The following MCTP2 variants were observed in gnomAD, a reference collection of about 807,000 sequenced individuals.
MCTP2 encodes the protein multiple C2 and transmembrane domain containing 2, also known as multiple C2 and transmembrane domain-containing protein 2.
In MCTP2, 132 loss-of-function variants were observed where a neutral mutation model predicts 111.6. The ratio of observed to expected loss-of-function variants is 1.18; its 90% CI spans 1.03 to 1.37. The LOEUF (loss-of-function observed/expected upper bound fraction) is 1.37, where lower values mean the gene tolerates loss of function less well. Ranked by LOEUF, MCTP2 falls within the 40% of genes most tolerant of loss-of-function variation. MCTP2 has a pLI of 0.00. For synonymous variants in MCTP2, 395 were observed against 387.7 expected (o/e 1.02, Z -0.22); for missense variants, 1,183 against 1,067.9 (o/e 1.11, Z -1.50).
chr15:94,429,599 C>T (rs965596085), intron 17 of MCTP2, among the ~76,000 whole-genome samples: 2 of 152,144 alleles, frequency 1.3e-5, no homozygotes, highest in Non-Finnish European at 2.9e-5. Context: ...TCTGGCATTT[C>T]CTCAGGCTCT....
At chr15:94,346,690 C>T (rs1433621457) in intron 8 of MCTP2, among the ~76,000 whole-genome samples, 2 of 152,066 alleles carry the variant, frequency 1.3e-5, no homozygotes, top group African/African-American at 4.8e-5. Flanking sequence ...TGTGGAAGAA[C>T]ATAAAGGCTA....
intron 12 of MCTP2, among the ~76,000 whole-genome samples, chr15:94,373,508 T>A (rs1210072397): frequency 6.6e-6 from 1 of 152,246 alleles, no homozygotes; most frequent in Non-Finnish European, 1.5e-5. Flanking sequence ...TTACTGTTTT[T>A]AAATTATGCC....
intron 19 of MCTP2, 112 bp downstream of exon 19, chr15:94,443,072 TAG>T (rs1231085478): frequency 2.8e-6 from 2 of 711,190 alleles, no homozygotes; most frequent in East Asian, 2.8e-5. Context: ...TTTAATATGA[TAG>T]AGTTACCAGT....
chr15:94,366,303 C>T (rs949635540), intron 10 of MCTP2, among the ~76,000 whole-genome samples: 6 of 152,148 alleles, frequency 3.9e-5, no homozygotes, highest in Non-Finnish European at 8.8e-5. Flanking sequence ...GCTCTAATGG[C>T]CACTCCCACC....
intron 17 of MCTP2, among the ~76,000 whole-genome samples, chr15:94,435,629 C>CTTTTTTTTTTTTTT (rs202170550): frequency 0.01 from 1,211 of 117,786 alleles, 55 homozygotes; most frequent in Non-Finnish European, 0.015. Flanking sequence ...TTTTTTTATT[C>CTTTTTTTTTTTTTT]TTTTTTTTTT....
In MCTP2 at chr15:94,399,956, A is replaced by G. The variant is rs1490558874; in HGVS notation, c.1926A>G (p.Glu642=). Residue 642 remains glutamate (E), a synonymous_variant, in exon 16 of 23, where the codon GAA becomes GAG. Transcript: ENST00000357742. ...GTATTAGGACTTTTACTCCCCGGGA[A>G]AAGCGCTTTGTTGAAGACAGCCGCA... is the stretch of plus-strand genomic sequence containing the variant. The part of the protein sequence containing the change: ...KASIRTFTPR[E]KRFVEDSRKL... 1.2e-6 allele frequency: 2 copies of G among 1,613,860 alleles called. No homozygotes were observed. Among genetic ancestry groups the G allele is most frequent in the African/African-American group, 2.7e-5 (2 of 74,906 alleles).
intron 8 of MCTP2, among the ~76,000 whole-genome samples, chr15:94,352,383 C>T (rs1156311532): frequency 6.6e-6 from 1 of 152,130 alleles, no homozygotes; most frequent in African/African-American, 2.4e-5. Context: ...TGGAAGTCAC[C>T]TTTTCTGTTT....
chr15:94,314,646 G>T lies in MCTP2; in HGVS notation c.528+302G>T, dbSNP rs140128547. Reference sequence around the variant, plus strand: ...AAACTTTCAAAAGAAGGCTGTCAAGGGTGGCTTAGCCACAGGATCGATTAA... The same window carrying T: ...AAACTTTCAAAAGAAGGCTGTCAAGTGTGGCTTAGCCACAGGATCGATTAA... On this transcript the variant is annotated intron_variant, in intron 3 of 22. Transcript: ENST00000357742. 9 of 532,908 alleles carry T rather than the reference G, an allele frequency of 1.7e-5. No individual in the cohort carries two copies. In the Admixed American group the frequency reaches 2.2e-4, roughly 13 times the overall value. 33.0% of individuals were successfully genotyped at this position (532,908 alleles called of 1,614,324 possible).
intron 12 of MCTP2, 133 bp downstream of exon 12, chr15:94,370,313 A>T: frequency 1.7e-6 from 1 of 600,744 alleles, no homozygotes; most frequent in South Asian, 2.9e-5. Flanking sequence ...GAGTCATAGC[A>T]AAAAAGAGGC....
At chr15:94,232,594 C>T (rs576051100) in intron 1 of MCTP2, among the ~76,000 whole-genome samples, 1 of 152,138 alleles carries the variant, frequency 6.6e-6, no homozygotes, top group Admixed American at 6.5e-5. Context: ...CACCTGTTAA[C>T]GGGCAGACCT....
chr15:94,247,340 G>A (rs1470421571), intron 1 of MCTP2, among the ~76,000 whole-genome samples: 2 of 152,194 alleles, frequency 1.3e-5, no homozygotes, highest in East Asian at 1.9e-4. Context: ...CTGTCTCCAG[G>A]ATCCTCAGGA....
At chr15:94,472,434 C>T (rs527744617) in intron 21 of MCTP2, among the ~76,000 whole-genome samples, 1 of 152,258 alleles carries the variant, frequency 6.6e-6, no homozygotes, top group South Asian at 2.1e-4. Context: ...CTCATTTGAT[C>T]ATCAATTTTG....
chr15:94,463,928 A>T (rs569222109), intron 20 of MCTP2, among the ~76,000 whole-genome samples: 39 of 152,124 alleles, frequency 2.6e-4, no homozygotes, highest in Non-Finnish European at 5.0e-4. Context: ...AATAAACCCA[A>T]CATTATTGTT....
chr15:94,271,247 G>A (rs2073893195), intron 1 of MCTP2, among the ~76,000 whole-genome samples: 1 of 152,156 alleles, frequency 6.6e-6, no homozygotes, highest in Non-Finnish European at 1.5e-5. Context: ...GATAAGCTTT[G>A]CAAGATATAC....
intron 12 of MCTP2, among the ~76,000 whole-genome samples, chr15:94,371,677 T>TA: frequency 6.6e-6 from 1 of 152,252 alleles, no homozygotes; most frequent in South Asian, 2.1e-4. Flanking sequence ...ACAACATCCA[T>TA]ATGTGGAAAC....
intron 1 of MCTP2, among the ~76,000 whole-genome samples, chr15:94,260,061 T>C (rs574185381): frequency 5.3e-5 from 8 of 152,268 alleles, no homozygotes; most frequent in African/African-American, 1.7e-4. Flanking sequence ...GTGAGGTCAT[T>C]TGCTTTATCT....
chr15:94,363,700 G>A (rs1367059271), intron 10 of MCTP2, among the ~76,000 whole-genome samples: 1 of 152,098 alleles, frequency 6.6e-6, no homozygotes, highest in African/African-American at 2.4e-5. Context: ...TTTCCATCGT[G>A]TAAATCTTGT....
At chr15:94,280,415 G>GT (rs34008450) in intron 1 of MCTP2, among the ~76,000 whole-genome samples, 64 of 140,192 alleles carry the variant, frequency 4.6e-4, no homozygotes, top group Middle Eastern at 7.2e-3. Context: ...AGTCTCGAGG[G>GT]TTTTTTTTTT....
At chr15:94,309,271 G>T (rs889304247) in intron 2 of MCTP2, among the ~76,000 whole-genome samples, 2 of 151,402 alleles carry the variant, frequency 1.3e-5, no homozygotes, top group African/African-American at 4.9e-5. Context: ...CTATGTATTT[G>T]TGTTTGTGAC....
Sources: allele counts gnomAD v4.1 joint callset (sites outside exome capture counted in the v4.1 genomes callset), GRCh38; gene constraint gnomAD v4.1.1; transcripts MANE v1.5; gene names NCBI Gene and HGNC (gene_info 2026-07-23, HGNC 2026-07-21).